ADAMTS12: variants seen among roughly 807,000 people sequenced by gnomAD.
ADAMTS12 encodes ADAM metallopeptidase with thrombospondin type 1 motif 12.
ADAMTS12 carries 118 observed loss-of-function variants against 167.8 expected under a neutral mutation model. That is an observed-to-expected ratio of 0.70 (90% CI 0.61 to 0.82). The LOEUF (loss-of-function observed/expected upper bound fraction) is 0.82, where lower values mean the gene tolerates loss of function less well. Among genes scored for constraint, ADAMTS12 ranks in the 40% least tolerant of loss-of-function variants. The probability of loss-of-function intolerance (pLI) is 0.00; values close to 1 mark genes in which losing one functional copy is unlikely to be tolerated. For missense variants in ADAMTS12, 1,916 were observed against 1,998.8 expected (o/e 0.96, Z 0.79); for synonymous variants, 704 against 716.9 (o/e 0.98, Z 0.29).
At chr5:33,673,304 C>A (rs1399205053) in intron 5 of ADAMTS12, among the ~76,000 whole-genome samples, 3 of 152,156 alleles carry the variant, frequency 2.0e-5, no homozygotes, top group Non-Finnish European at 4.4e-5. Context: ...CATTCCAAAT[C>A]TCTCCGAGTT....
intron 18 of ADAMTS12, among the ~76,000 whole-genome samples, chr5:33,585,079 ATCC>A (rs1747277028): frequency 6.9e-6 from 1 of 144,236 alleles, no homozygotes; most frequent in Non-Finnish European, 1.5e-5. Flanking sequence ...CCATCCATCC[ATCC>A]CTCCAAGGAA....
At chr5:33,728,355 G>T (rs1182372679) in intron 3 of ADAMTS12, among the ~76,000 whole-genome samples, 1 of 152,236 alleles carries the variant, frequency 6.6e-6, no homozygotes, top group Non-Finnish European at 1.5e-5. Context: ...AGCAAAACCT[G>T]GAGGAGTTGG....
intron 7 of ADAMTS12, among the ~76,000 whole-genome samples, chr5:33,652,228 T>G (rs770980431): frequency 2.0e-5 from 3 of 152,162 alleles, no homozygotes; most frequent in Admixed American, 6.6e-5. Flanking sequence ...TTTGTGCTAA[T>G]TTATATTTCC....
chr5:33,627,055 G>C (rs1739679490), intron 13 of ADAMTS12, among the ~76,000 whole-genome samples: 1 of 150,782 alleles, frequency 6.6e-6, no homozygotes, highest in African/African-American at 2.4e-5. Context: ...TGGTGATGTG[G>C]TAATGGTGGT....
chr5:33,588,228 T>C lies in ADAMTS12; in HGVS notation c.2865+371A>G, dbSNP rs148360795. ...TTGGTTTGGGTTAACTACAGTGATG[T>C]GCAGTCAATGTTTTATAAACCACTT... On this transcript the variant is annotated intron_variant, in intron 18 of 23. Transcript: ENST00000504830. 5.3e-5 allele frequency among the ~76,000 whole-genome samples: 8 copies of C among 152,302 alleles called. No homozygotes were observed. In the East Asian group the frequency reaches 1.5e-3, roughly 29 times the overall value.
At chr5:33,704,978 GT>G (rs929426019) in intron 3 of ADAMTS12, among the ~76,000 whole-genome samples, 4 of 151,576 alleles carry the variant, frequency 2.6e-5, no homozygotes, top group East Asian at 1.9e-4. Flanking sequence ...AATCTTGAGG[GT>G]TTTTTTGTAT....
chr5:33,614,180 C>A, intron 16 of ADAMTS12, 58 bp downstream of exon 16: 6 of 1,587,326 alleles, frequency 3.8e-6, no homozygotes, highest in Non-Finnish European at 4.3e-6. Context: ...GGTGTAATCA[C>A]CTCTACAAAC....
intron 2 of ADAMTS12, among the ~76,000 whole-genome samples, chr5:33,768,025 G>T (rs1289192229): frequency 2.0e-5 from 3 of 152,136 alleles, no homozygotes; most frequent in Non-Finnish European, 4.4e-5. Flanking sequence ...GTTAGAACTG[G>T]CACATATTTT....
In ADAMTS12 at chr5:33,637,451, A is replaced by C. The variant is rs1228307567; in HGVS notation, c.1888+126T>G. On this transcript the variant is annotated intron_variant, in intron 12 of 23. Coordinates refer to ENST00000504830, the MANE Select transcript of ADAMTS12 (RefSeq NM_030955.4). ...GGTCAGTGTTTCCATCTTCTAAATT[A>C]CAAAATTCCTGGTGTACAATTGTCT... is the stretch of plus-strand genomic sequence containing the variant. 7.1e-6 allele frequency: 7 copies of C among 979,930 alleles called. No individual in the cohort carries two copies. The East Asian group carries it at 1.8e-4, about 26-fold the overall frequency. The allele number at this position is 979,930 out of a possible 1,614,324, so 60.7% of individuals were successfully genotyped here. A position where few individuals can be genotyped will look rare whatever the true frequency, so the allele number is the denominator to read the frequency against.
chr5:33,769,299 T>C (rs1040891198), intron 2 of ADAMTS12, among the ~76,000 whole-genome samples: 1 of 152,132 alleles, frequency 6.6e-6, no homozygotes, highest in Admixed American at 6.5e-5. Context: ...GATAGTAAGT[T>C]TGCGTTGTTT....
chr5:33,747,371 C>G (rs1744827072), intron 3 of ADAMTS12, among the ~76,000 whole-genome samples: 1 of 151,276 alleles, frequency 6.6e-6, no homozygotes, highest in Non-Finnish European at 1.5e-5. Context: ...TGAGATACCA[C>G]TTCATATTCA....
intron 3 of ADAMTS12, among the ~76,000 whole-genome samples, chr5:33,690,603 A>T (rs1742515193): frequency 6.6e-6 from 1 of 152,212 alleles, no homozygotes; most frequent in South Asian, 2.1e-4. Context: ...CAAAATACCA[A>T]CATAATTACA....
intron 16 of ADAMTS12, among the ~76,000 whole-genome samples, chr5:33,611,406 A>T (rs968720091): frequency 6.6e-6 from 1 of 152,006 alleles, no homozygotes; most frequent in Admixed American, 6.6e-5. Context: ...CTGAGTGGTT[A>T]GTACAAAGGA....
chr5:33,559,805 G>A (rs146858247), intron 20 of ADAMTS12, among the ~76,000 whole-genome samples: 50 of 152,200 alleles, frequency 3.3e-4, no homozygotes, highest in African/African-American at 9.9e-4. Flanking sequence ...GCTTGAACCC[G>A]GGAGGCAGAG....
chr5:33,660,621 T>A (rs1741224624), intron 6 of ADAMTS12, among the ~76,000 whole-genome samples: 1 of 152,118 alleles, frequency 6.6e-6, no homozygotes, highest in Non-Finnish European at 1.5e-5. Context: ...CTGGGGTTCT[T>A]CCCTACAGAA....
At chr5:33,543,371 A>G (rs1744803131) in intron 22 of ADAMTS12, among the ~76,000 whole-genome samples, 1 of 152,196 alleles carries the variant, frequency 6.6e-6, no homozygotes, top group Non-Finnish European at 1.5e-5. Context: ...GCAATAATTA[A>G]CAGCCTAACA....
At chr5:33,790,772 GACAT>G (rs1746529591) in intron 2 of ADAMTS12, among the ~76,000 whole-genome samples, 2 of 117,618 alleles carry the variant, frequency 1.7e-5, no homozygotes, top group African/African-American at 7.0e-5. Context: ...CTTCTAGCTT[GACAT>G]ACAAACATAT....
At chr5:33,881,734 G>GTTTTT (rs11295558) in intron 1 of ADAMTS12, among the ~76,000 whole-genome samples, 2 of 120,182 alleles carry the variant, frequency 1.7e-5, no homozygotes, top group Non-Finnish European at 3.6e-5. Context: ...GGCTAATTTT[G>GTTTTT]TTTTTTTTTT....
rs1750673836 is a variant in ADAMTS12, at chr5:33,887,439, C to T, written c.127+4291G>A. ...CTGTCACCTAGCACAGATGTCAAGGCGGGTTGTCAATAAGGTGTGGGGTTG... is the reference window on the plus strand; with the variant it reads ...CTGTCACCTAGCACAGATGTCAAGGTGGGTTGTCAATAAGGTGTGGGGTTG... On this transcript the variant is annotated intron_variant, in intron 1 of 23. Coordinates refer to ENST00000504830, the MANE Select transcript of ADAMTS12 (RefSeq NM_030955.4). Among the ~76,000 whole-genome samples, 4 of 152,176 alleles carry T rather than the reference C, an allele frequency of 2.6e-5. No homozygotes were observed. In the South Asian group the frequency reaches 8.3e-4, roughly 32 times the overall value.
Sources: allele counts gnomAD v4.1 joint callset (sites outside exome capture counted in the v4.1 genomes callset), GRCh38; gene constraint gnomAD v4.1.1; transcripts MANE v1.5; gene names NCBI Gene and HGNC (gene_info 2026-07-23, HGNC 2026-07-21).